Variants in EPHA3 observed in about 807,000 individuals in gnomAD.
The protein encoded by EPHA3 is ephrin type-A receptor 3.
Under a neutral mutation model 107.1 loss-of-function variants are expected in EPHA3, and 42 were observed. That is an observed-to-expected ratio of 0.39 (90% confidence interval 0.31 to 0.51). The LOEUF is 0.51. EPHA3 is among the 20% of genes least tolerant of loss of function. The pLI, the probability that EPHA3 is intolerant of heterozygous loss-of-function variation, is 0.78. For synonymous variants in EPHA3, 461 were observed against 424.8 expected, an observed-to-expected ratio of 1.09 and a Z score of -1.05; for missense variants, 1,183 against 1,211.2, an observed-to-expected ratio of 0.98 and a Z score of 0.35.
intron 2 of EPHA3, among the ~76,000 whole-genome samples, chr3:89,209,407 T>C (rs1237904603): frequency 6.6e-6 from 1 of 152,152 alleles, no homozygotes; most frequent in Non-Finnish European, 1.5e-5. Context: ...TCATTTATAT[T>C]CACTTTATTT....
intron 2 of EPHA3, among the ~76,000 whole-genome samples, chr3:89,164,403 T>C (rs1004688564): frequency 1.1e-4 from 17 of 152,166 alleles, no homozygotes; most frequent in African/African-American, 3.9e-4. Flanking sequence ...CACGCCCCCC[T>C]AAAAAATCCA....
At chr3:89,357,820 A>C (rs1471784121) in intron 5 of EPHA3, among the ~76,000 whole-genome samples, 1 of 151,212 alleles carries the variant, frequency 6.6e-6, no homozygotes, top group Non-Finnish European at 1.5e-5. Context: ...ATAGTAAAAA[A>C]CTTCAGTTTA....
intron 3 of EPHA3, among the ~76,000 whole-genome samples, chr3:89,311,695 A>T (rs1007537138): frequency 2.0e-5 from 3 of 152,058 alleles, no homozygotes; most frequent in African/African-American, 7.2e-5. Flanking sequence ...CTTAGTGAAT[A>T]GGGATTGTCT....
intron 3 of EPHA3, among the ~76,000 whole-genome samples, chr3:89,294,527 A>T (rs1452854058): frequency 6.6e-6 from 1 of 152,136 alleles, no homozygotes; most frequent in Non-Finnish European, 1.5e-5. Context: ...GAAGATGACT[A>T]CTGAAGTTTA....
intron 15 of EPHA3, among the ~76,000 whole-genome samples, chr3:89,461,294 C>G (rs1177639227): frequency 9.9e-6 from 1 of 101,126 alleles, no homozygotes; most frequent in African/African-American, 4.8e-5. Context: ...CATACGTGTG[C>G]ATGTGTCTTT....
intron 3 of EPHA3, among the ~76,000 whole-genome samples, chr3:89,263,335 C>T (rs965806632): frequency 3.3e-5 from 5 of 152,092 alleles, no homozygotes; most frequent in African/African-American, 1.2e-4. Context: ...GGCCCTTTGC[C>T]TTTTTGCGTG....
At chr3:89,123,798 A>G (rs1704025900) in intron 1 of EPHA3, among the ~76,000 whole-genome samples, 1 of 152,230 alleles carries the variant, frequency 6.6e-6, no homozygotes, top group Non-Finnish European at 1.5e-5. Flanking sequence ...AATCACTTTC[A>G]TTAAAAAAGT....
rs1172933080 is a variant in EPHA3 at position 89,340,840 on chromosome 3, AACTT to A, written c.815-70_815-67del. ...TTTATTTATAATAAATTCATATTCG[AACTT>A]ACTTAAATCTGTTTTACATATTTTC... On this transcript the variant is annotated intron_variant, in intron 3 of 16. Transcript: ENST00000336596. 5.2e-6 allele frequency: 7 copies of A among 1,356,112 alleles called. No individual in the cohort carries two copies. In the African/African-American group the frequency reaches 7.5e-5, roughly 14 times the overall value. 84.0% of individuals were successfully genotyped at this position (1,356,112 alleles called of 1,614,324 possible).
At chr3:89,224,626 A>G (rs1704456981) in intron 3 of EPHA3, among the ~76,000 whole-genome samples, 1 of 152,112 alleles carries the variant, frequency 6.6e-6, no homozygotes, top group East Asian at 1.9e-4. Flanking sequence ...AGGCAGGCAC[A>G]TCACTTGAGG....
intron 16 of EPHA3, among the ~76,000 whole-genome samples, chr3:89,477,216 A>G (rs1710533672): frequency 6.6e-6 from 1 of 152,182 alleles, no homozygotes; most frequent in Non-Finnish European, 1.5e-5. Context: ...GAAGGCTTCC[A>G]TCATCCGCAG....
At chr3:89,167,211 C>G (rs1289073921) in intron 2 of EPHA3, among the ~76,000 whole-genome samples, 1 of 152,066 alleles carries the variant, frequency 6.6e-6, no homozygotes, top group Admixed American at 6.5e-5. Context: ...AGTTAACTAG[C>G]TAATAGATGC....
At position 89,127,283 on chromosome 3, in the gene EPHA3, A is replaced by C; in HGVS notation, c.153+10A>C. 1 of 1,605,826 alleles carries C rather than the reference A, an allele frequency of 6.2e-7. No individual in the cohort carries two copies. The highest frequency in any genetic ancestry group is 1.1e-5 in the South Asian group (1 of 90,804). On this transcript the variant is annotated intron_variant, in intron 2 of 16. Transcript: ENST00000336596. ...TTATCCATCACATGGGGTGAGTTCAATAAACTATCACAAGGAAACATTTTC... is the reference window on the plus strand; with the variant it reads ...TTATCCATCACATGGGGTGAGTTCACTAAACTATCACAAGGAAACATTTTC...
chr3:89,467,211 T>C (rs1476856557), intron 15 of EPHA3, among the ~76,000 whole-genome samples: 1 of 152,212 alleles, frequency 6.6e-6, no homozygotes, highest in Non-Finnish European at 1.5e-5. Context: ...ATTTGAAATT[T>C]TAAAAAACAG....
chr3:89,353,340 T>C (rs141534234), intron 5 of EPHA3, among the ~76,000 whole-genome samples: 2 of 151,550 alleles, frequency 1.3e-5, no homozygotes, highest in Admixed American at 6.6e-5. Flanking sequence ...GTAAACATAA[T>C]GAAAATCACC....
intron 2 of EPHA3, among the ~76,000 whole-genome samples, chr3:89,144,027 T>C (rs2107023267): frequency 6.6e-6 from 1 of 151,768 alleles, no homozygotes; most frequent in East Asian, 1.9e-4. Flanking sequence ...ATTAACATCT[T>C]GCATTGCTGG....
intron 3 of EPHA3, among the ~76,000 whole-genome samples, chr3:89,312,119 T>C (rs533023373): frequency 6.6e-6 from 1 of 152,226 alleles, no homozygotes; most frequent in East Asian, 1.9e-4. Flanking sequence ...ACTCCCTATG[T>C]ATTTCCTGGT....
intron 3 of EPHA3, among the ~76,000 whole-genome samples, chr3:89,312,110 C>T (rs1463053795): frequency 6.6e-6 from 1 of 152,038 alleles, no homozygotes; most frequent in African/African-American, 2.4e-5. Context: ...CAGCACATTA[C>T]TCCCTATGTA....
At chr3:89,265,469 A>G (rs1705514153) in intron 3 of EPHA3, among the ~76,000 whole-genome samples, 1 of 152,182 alleles carries the variant, frequency 6.6e-6, no homozygotes. Flanking sequence ...TATTTTTTGT[A>G]AATATCTTGA....
At chr3:89,334,908 A>G (rs1707361160) in intron 3 of EPHA3, among the ~76,000 whole-genome samples, 1 of 152,190 alleles carries the variant, frequency 6.6e-6, no homozygotes, top group Admixed American at 6.5e-5. Context: ...GCTGAAGACA[A>G]CTTGAAGTAT....
Sources: gnomAD v4.1 joint callset for allele counts (sites outside exome capture counted in the v4.1 genomes callset) on GRCh38, gnomAD v4.1.1 for gene constraint, MANE v1.5 for transcripts, NCBI Gene and HGNC (gene_info 2026-07-23, HGNC 2026-07-21) for gene names.